TMC1: variants seen among roughly 807,000 people sequenced by gnomAD.
TMC1 encodes transmembrane channel like 1, also known as transmembrane channel-like protein 1.
A neutral mutation model predicts 105.8 loss-of-function variants in TMC1; 84 were observed. The ratio of observed to expected loss-of-function variants is 0.79; its 90% CI spans 0.67 to 0.95. TMC1 has a LOEUF of 0.95. Among genes scored for constraint, TMC1 ranks in the 40% least tolerant of loss-of-function variants. The probability of loss-of-function intolerance (pLI) is 0.00; values close to 1 mark genes in which losing one functional copy is unlikely to be tolerated. For missense variants in TMC1, 817 were observed against 914.1 expected (o/e 0.89, Z 1.37); for synonymous variants, 315 against 311.5 (o/e 1.01, Z -0.12).
At position 72,836,092 on chromosome 9, in the gene TMC1, T is replaced by TCCATCAAG; in HGVS notation, c.*119_*120insCCATCAAG. 2 of 1,207,858 alleles carry TCCATCAAG rather than the reference T, an allele frequency of 1.7e-6. No homozygotes were observed. Among genetic ancestry groups the TCCATCAAG allele is most frequent in the African/African-American group, 1.5e-5 (1 of 67,284 alleles). 74.8% of individuals were successfully genotyped at this position (1,207,858 alleles called of 1,614,324 possible). On this transcript the variant is annotated 3_prime_UTR_variant, in exon 24 of 24. Coordinates refer to ENST00000297784, the MANE Select transcript of TMC1 (RefSeq NM_138691.3). Reference sequence around the variant, plus strand: ...TGCTATTTTCCTGTTCTACCCTTGATGGATTTTCAAGGTCATGCTGGCCAA... The same window carrying TCCATCAAG: ...TGCTATTTTCCTGTTCTACCCTTGATCCATCAAGGGATTTTCAAGGTCATGCTGGCCAA...
At chr9:72,582,826 T>A (rs13301828) in intron 2 of TMC1, among the ~76,000 whole-genome samples, 4,282 of 152,334 alleles carry the variant, frequency 0.028, 112 homozygotes, top group Middle Eastern at 0.061. Context: ...ATCCCACTTG[T>A]TAAACCCACA....
intron 2 of TMC1, among the ~76,000 whole-genome samples, chr9:72,599,086 A>G (rs916492267): frequency 1.3e-5 from 2 of 152,048 alleles, no homozygotes; most frequent in Non-Finnish European, 2.9e-5. Context: ...GCTGGAGTAC[A>G]GTGGTGCAAT....
In TMC1 at chr9:72,820,997, T is replaced by G; in HGVS notation, c.1919T>G (p.Leu640Arg). Residue 640 changes from leucine (L) to arginine (R), a missense_variant, in exon 20 of 24, where the codon CTA (leucine) becomes CGA (arginine). Leu to Arg is a moderately radical substitution (Grantham distance 102, BLOSUM62 -2). Coordinates refer to ENST00000297784, the MANE Select transcript of TMC1 (RefSeq NM_138691.3). The stretch of plus-strand genomic sequence containing the variant: ...TCAAATAACTTCTACCTGGGCATGC[T>G]ACTGCTCATCCTCTTCCTGTCCACA... The part of the protein sequence containing the change: ...SRSNNFYLGM[L>R]LLILFLSTMP... 6.2e-7 allele frequency: 1 copy of G among 1,614,166 alleles called. No individual in the cohort carries two copies. The highest frequency in any genetic ancestry group is 8.5e-7 in the Non-Finnish European group (1 of 1,179,994).
intron 10 of TMC1, among the ~76,000 whole-genome samples, chr9:72,751,357 T>C (rs1278105388): frequency 6.6e-6 from 1 of 152,252 alleles, no homozygotes; most frequent in Non-Finnish European, 1.5e-5. Flanking sequence ...GCTTGTAAGA[T>C]AACTATCCGT....
In TMC1 at chr9:72,541,783, C is replaced by T. The variant is rs1000012274; in HGVS notation, c.-428+19870C>T. On this transcript the variant is annotated intron_variant, in intron 1 of 23. Transcript: ENST00000297784. ...TGATAGATGAAAATTTCCAGATCAACGGCATTTTATGTACTTCTCAGAAAC... is the reference window on the plus strand; with the variant it reads ...TGATAGATGAAAATTTCCAGATCAATGGCATTTTATGTACTTCTCAGAAAC... 7.9e-5 allele frequency among the ~76,000 whole-genome samples: 12 copies of T among 151,662 alleles called. No individual in the cohort carries two copies. In the East Asian group the frequency reaches 1.7e-3, roughly 22 times the overall value.
At chr9:72,649,519 C>T (rs529033984) in intron 5 of TMC1, among the ~76,000 whole-genome samples, 126 of 152,288 alleles carry the variant, frequency 8.3e-4, no homozygotes, top group African/African-American at 2.9e-3. Flanking sequence ...CATCCAGCTT[C>T]AGGCTCATAT....
chr9:72,812,891 C>G (rs1002807194), intron 18 of TMC1, among the ~76,000 whole-genome samples: 1 of 152,228 alleles, frequency 6.6e-6, no homozygotes, highest in Non-Finnish European at 1.5e-5. Flanking sequence ...GAGATCTTCC[C>G]AGGCTTTTTC....
At chr9:72,667,374 G>C (rs1369503760) in intron 5 of TMC1, among the ~76,000 whole-genome samples, 1 of 151,994 alleles carries the variant, frequency 6.6e-6, no homozygotes, top group Non-Finnish European at 1.5e-5. Context: ...CCTTCTTCCT[G>C]GTTGCCAGCT....
At chr9:72,737,138 T>C (rs971637981) in intron 8 of TMC1, among the ~76,000 whole-genome samples, 11 of 152,084 alleles carry the variant, frequency 7.2e-5, no homozygotes, top group African/African-American at 2.7e-4. Flanking sequence ...CTGATGGATA[T>C]GGTATGTGGA....
Position 72,836,197 on chromosome 9 carries a change from C to T in TMC1, c.*224C>T. ...CAGAAACTGTTTCTGCAGAGCCACT[C>T]TCTCCCCTGCTCCATTTCGTGACTT... On this transcript the variant is annotated 3_prime_UTR_variant, in exon 24 of 24. Coordinates refer to ENST00000297784, the MANE Select transcript of TMC1 (RefSeq NM_138691.3). 1 of 600,532 alleles carries T rather than the reference C, an allele frequency of 1.7e-6. No individual in the cohort carries two copies. Among genetic ancestry groups the T allele is most frequent in the Non-Finnish European group, 3.0e-6 (1 of 336,476 alleles). The allele number at this position is 600,532 out of a possible 1,614,324, so 37.2% of individuals were successfully genotyped here.
At chr9:72,688,568 C>T (rs56173757) in intron 5 of TMC1, 141 bp from the exon 6 acceptor site, 12,891 of 704,932 alleles carry the variant, frequency 0.018, 170 homozygotes, top group Middle Eastern at 0.028. Context: ...TTTAATAAAT[C>T]GTGCTCATTT....
chr9:72,562,008 TAAAA>T (rs11367909), intron 1 of TMC1, among the ~76,000 whole-genome samples: 1 of 144,528 alleles, frequency 6.9e-6, no homozygotes, highest in African/African-American at 2.5e-5. Flanking sequence ...ATCCTATCTC[TAAAA>T]AAAAAAAAAA....
At position 72,521,625 on chromosome 9, in the gene TMC1, T is replaced by G. The variant is rs1323802991; in HGVS notation, c.-716T>G. On this transcript the variant is annotated 5_prime_UTR_variant, in exon 1 of 24. Coordinates refer to ENST00000297784, the MANE Select transcript of TMC1 (RefSeq NM_138691.3). ...AAAAACATGATGGCGCGCGACTGTT[T>G]CCCATCTACTCAGAGGCTGAGGCGG... is the stretch of plus-strand genomic sequence containing the variant. 6 of 150,610 alleles carry G rather than the reference T, an allele frequency of 4.0e-5. No homozygotes were observed. The highest frequency in any genetic ancestry group is 1.3e-4 in the Admixed American group (2 of 15,028). The allele number at this position is 150,610 out of a possible 1,614,324, so 9.3% of individuals were successfully genotyped here. A position where few individuals can be genotyped will look rare whatever the true frequency, so the allele number is the denominator to read the frequency against.
chr9:72,772,401 G>T lies in TMC1; in HGVS notation c.742-12G>T, dbSNP rs886038723. On this transcript the variant is annotated splice_polypyrimidine_tract_variant and intron_variant, in intron 12 of 23. Transcript: ENST00000297784. The stretch of plus-strand genomic sequence containing the variant: ...ACGACAACTGCTAAGTGGCTTTGTT[G>T]TTGGATTTCAGGGTTTGGCACAATA... 13 of 1,613,622 alleles carry T rather than the reference G, an allele frequency of 8.1e-6. No individual in the cohort carries two copies. Among genetic ancestry groups the T allele is most frequent in the Non-Finnish European group, 1.1e-5 (13 of 1,179,704 alleles).
rs72200654 is a variant in TMC1 at position 72,700,713 on chromosome 9, CATAT to C, written c.362+98_362+101del. ...GATTTTCTAAATCCTCTGAATATTC[CATAT>C]ATATATATATATATATATATATATA... On this transcript the variant is annotated intron_variant, in intron 8 of 23. Transcript: ENST00000297784. 0.012 allele frequency: 3,763 copies of C among 317,650 alleles called. 33 individuals are homozygous for C. Among genetic ancestry groups the C allele is most frequent in the African/African-American group, 0.043 (1,504 of 34,716 alleles). 19.7% of individuals were successfully genotyped at this position (317,650 alleles called of 1,614,324 possible). A position where few individuals can be genotyped will look rare whatever the true frequency, so the allele number is the denominator to read the frequency against.
intron 2 of TMC1, among the ~76,000 whole-genome samples, chr9:72,603,001 A>G (rs1205816327): frequency 6.6e-6 from 1 of 152,138 alleles, no homozygotes; most frequent in Non-Finnish European, 1.5e-5. Context: ...ATTTTATTTT[A>G]ATGCCATTTA....
intron 20 of TMC1, among the ~76,000 whole-genome samples, chr9:72,825,080 T>C (rs1392671198): frequency 6.6e-6 from 1 of 152,268 alleles, no homozygotes; most frequent in African/African-American, 2.4e-5. Context: ...TTCTAGAGAT[T>C]GGGGATAGAG....
chr9:72,627,913 T>A lies in TMC1; in HGVS notation c.-195-8T>A, dbSNP rs555167285. ...TCTGTATTGGATTTTTTTTTTTTCA[T>A]ATTTTAGGATGCCAGAAGCCTCAAA... On this transcript the variant is annotated splice_region_variant and splice_polypyrimidine_tract_variant and intron_variant, in intron 3 of 23. Transcript: ENST00000297784. 1 of 393,114 alleles carries A rather than the reference T, an allele frequency of 2.5e-6. No individual in the cohort carries two copies. The highest frequency in any genetic ancestry group is 2.1e-5 in the African/African-American group (1 of 46,988). The allele number at this position is 393,114 out of a possible 1,614,324, so 24.4% of individuals were successfully genotyped here. A position where few individuals can be genotyped will look rare whatever the true frequency, so the allele number is the denominator to read the frequency against.
rs1829146267 is a variant in TMC1 at position 72,837,637 on chromosome 9, A to G, written c.*1664A>G. On this transcript the variant is annotated 3_prime_UTR_variant, in exon 24 of 24. Coordinates refer to ENST00000297784, the MANE Select transcript of TMC1 (RefSeq NM_138691.3). ...CAGTTTGAATTGACTTTAAGTAGTA[A>G]CACTCAGTGCCCTCACTAGCCTTGT... The G allele has an allele frequency of 6.6e-6, 1 of 152,220 alleles. No individual in the cohort carries two copies. Among genetic ancestry groups the G allele is most frequent in the African/African-American group, 2.4e-5 (1 of 41,454 alleles). The allele number at this position is 152,220 out of a possible 1,614,324, so 9.4% of individuals were successfully genotyped here.
Sources: gnomAD v4.1 joint callset for allele counts (sites outside exome capture counted in the v4.1 genomes callset) on GRCh38, gnomAD v4.1.1 for gene constraint, MANE v1.5 for transcripts, NCBI Gene and HGNC (gene_info 2026-07-23, HGNC 2026-07-21) for gene names.